IKZF2: variants seen among roughly 807,000 people sequenced by gnomAD.
IKZF2 encodes IKAROS family zinc finger 2, also known as zinc finger protein Helios.
IKZF2 carries 15 observed loss-of-function variants against 49.2 expected under a neutral mutation model. The ratio of observed to expected loss-of-function variants is 0.30; its 90% CI spans 0.20 to 0.47. The LOEUF is 0.47. IKZF2 is among the 20% of genes least tolerant of loss of function. The pLI is 1.00. For synonymous variants in IKZF2, 227 were observed against 221.4 expected, an observed-to-expected ratio of 1.03 and a Z score of -0.23; for missense variants, 567 against 664.6, an observed-to-expected ratio of 0.85 and a Z score of 1.61.
chr2:213,129,265 T>C (rs2060386391), intron 4 of IKZF2, among the ~76,000 whole-genome samples: 1 of 149,636 alleles, frequency 6.7e-6, no homozygotes, highest in Non-Finnish European at 1.5e-5. Flanking sequence ...CTATTAAGTA[T>C]AATAAAGAAA....
At chr2:213,127,826 C>G (rs899263528) in intron 4 of IKZF2, among the ~76,000 whole-genome samples, 5 of 152,096 alleles carry the variant, frequency 3.3e-5, no homozygotes, top group Non-Finnish European at 5.9e-5. Context: ...ACCCAATTAA[C>G]TAACTTAAGA....
At chr2:213,026,938 G>C (rs1383397165) in intron 6 of IKZF2, among the ~76,000 whole-genome samples, 1 of 151,842 alleles carries the variant, frequency 6.6e-6, no homozygotes, top group East Asian at 1.9e-4. Flanking sequence ...TTACGTTAAT[G>C]ATTATTTTTC....
At chr2:213,109,238 A>G (rs1367482407) in intron 4 of IKZF2, among the ~76,000 whole-genome samples, 1 of 152,134 alleles carries the variant, frequency 6.6e-6, no homozygotes, top group Non-Finnish European at 1.5e-5. Context: ...ACATGCAAGC[A>G]GACACAAAAT....
At chr2:213,089,072 T>G (rs1046493411) in intron 4 of IKZF2, among the ~76,000 whole-genome samples, 19 of 152,192 alleles carry the variant, frequency 1.2e-4, no homozygotes, top group African/African-American at 4.6e-4. Flanking sequence ...TCATCTTGAT[T>G]TGAGATTCTA....
intron 4 of IKZF2, among the ~76,000 whole-genome samples, chr2:213,091,430 A>G (rs1646209965): frequency 6.6e-6 from 1 of 152,206 alleles, no homozygotes; most frequent in African/African-American, 2.4e-5. Flanking sequence ...AACAGTATTG[A>G]TTAATGACAA....
In IKZF2 at chr2:213,007,370, G is replaced by A; in HGVS notation, c.1571C>T (p.Thr524Ile). The A allele has an allele frequency of 6.2e-7, 1 of 1,613,024 alleles. No individual in the cohort carries two copies. Among genetic ancestry groups the A allele is most frequent in the Non-Finnish European group, 8.5e-7 (1 of 1,179,456 alleles). ...TTGGAATGAAAAGGCCTAGTGGAAT[G>A]TGTGCTCCCCTCGAACAATGTGTGA... ...FSSHIVRGEH[T>I]FH The change falls in exon 9 of 9, where the codon ACA (threonine) becomes ATA (isoleucine). Residue 524 changes from threonine to isoleucine, a missense_variant. By Grantham distance (89) the Thr-to-Ile change is moderately conservative (BLOSUM62 -1). Transcript: ENST00000434687.
At chr2:213,076,673 T>A (rs1234353287) in intron 4 of IKZF2, among the ~76,000 whole-genome samples, 1 of 152,234 alleles carries the variant, frequency 6.6e-6, no homozygotes, top group Non-Finnish European at 1.5e-5. Context: ...GGAATATTTA[T>A]CTTCAATTGT....
At chr2:213,079,372 G>GA in intron 4 of IKZF2, among the ~76,000 whole-genome samples, 1 of 137,690 alleles carries the variant, frequency 7.3e-6, no homozygotes. Context: ...CAATAGAAAA[G>GA]AAAAAAGAAG....
chr2:213,000,168 T>C lies in IKZF2; in HGVS notation c.*7192A>G, dbSNP rs1455579766. 1.6e-5 allele frequency: 2 copies of C among 123,716 alleles called. No individual in the cohort carries two copies. Among genetic ancestry groups the C allele is most frequent in the African/African-American group, 5.5e-5 (2 of 36,524 alleles). 7.7% of individuals were successfully genotyped at this position (123,716 alleles called of 1,614,324 possible). ...CCATAGTAAACCTCATTTTCTGAGGTATGGTATTTGAGCCTTAAAAAAACT... is the reference window on the plus strand; with the variant it reads ...CCATAGTAAACCTCATTTTCTGAGGCATGGTATTTGAGCCTTAAAAAAACT... On this transcript the variant is annotated 3_prime_UTR_variant, in exon 9 of 9. Coordinates refer to ENST00000434687, the MANE Select transcript of IKZF2 (RefSeq NM_001387220.1).
chr2:213,094,038 T>G (rs2125661444), intron 4 of IKZF2, among the ~76,000 whole-genome samples: 1 of 152,238 alleles, frequency 6.6e-6, no homozygotes, highest in East Asian at 1.9e-4. Flanking sequence ...ACTCCAGAGA[T>G]GTGAACATGT....
At chr2:213,076,419 G>A (rs1703268996) in intron 4 of IKZF2, among the ~76,000 whole-genome samples, 1 of 152,112 alleles carries the variant, frequency 6.6e-6, no homozygotes, top group East Asian at 1.9e-4. Context: ...AGTAGGCATA[G>A]AATCCCAACA....
intron 5 of IKZF2, among the ~76,000 whole-genome samples, chr2:213,053,153 A>C (rs1700833026): frequency 6.6e-6 from 1 of 152,150 alleles, no homozygotes; most frequent in South Asian, 2.1e-4. Context: ...GAAAACATTA[A>C]GTAGTTTGTT....
intron 4 of IKZF2, among the ~76,000 whole-genome samples, chr2:213,087,835 C>A (rs61605446): frequency 0.084 from 12,753 of 152,180 alleles, 938 homozygotes; most frequent in African/African-American, 0.2. Context: ...ATGAACTCAT[C>A]CTTTTTCGTG....
intron 4 of IKZF2, among the ~76,000 whole-genome samples, chr2:213,126,030 A>C (rs1220631314): frequency 6.6e-6 from 1 of 152,130 alleles, no homozygotes; most frequent in Non-Finnish European, 1.5e-5. Context: ...TTTACTTTTC[A>C]TGTTATATCT....
At chr2:213,136,370 C>CAAAAAAAAAAAAAA (rs11325415) in intron 4 of IKZF2, among the ~76,000 whole-genome samples, 1 of 53,606 alleles carries the variant, frequency 1.9e-5, no homozygotes, top group Non-Finnish European at 3.4e-5. Flanking sequence ...GACACTGTCT[C>CAAAAAAAAAAAAAA]AAAAAAAAAA....
intron 6 of IKZF2, among the ~76,000 whole-genome samples, chr2:213,037,118 T>C (rs1313751527): frequency 6.6e-6 from 1 of 152,196 alleles, no homozygotes; most frequent in East Asian, 1.9e-4. Flanking sequence ...CTGTCCACAC[T>C]AAATCCATGC....
intron 4 of IKZF2, among the ~76,000 whole-genome samples, chr2:213,104,138 G>T (rs1292691648): frequency 6.6e-6 from 1 of 151,900 alleles, no homozygotes; most frequent in East Asian, 1.9e-4. Flanking sequence ...CACATTAATA[G>T]TACAGTTAAA....
At chr2:213,075,501 T>C (rs1703155892) in intron 4 of IKZF2, among the ~76,000 whole-genome samples, 2 of 152,162 alleles carry the variant, frequency 1.3e-5, no homozygotes, top group Admixed American at 6.5e-5. Context: ...GTTGTCATAA[T>C]GTCATTAGTA....
At position 213,094,015 on chromosome 2, in the gene IKZF2, T is replaced by C. The variant is rs1705663132; in HGVS notation, c.140-36916A>G. On this transcript the variant is annotated intron_variant, in intron 4 of 8. Transcript: ENST00000434687. ...TTAGAGGAAATGTTTGATTTGAAAC[T>C]GCACAAGAGAGAACTCCAGAGATGT... 2.0e-5 allele frequency among the ~76,000 whole-genome samples: 3 copies of C among 152,262 alleles called. No homozygotes were observed. In the South Asian group the frequency reaches 6.2e-4, roughly 32 times the overall value.
Sources: gnomAD v4.1 joint callset for allele counts (sites outside exome capture counted in the v4.1 genomes callset) on GRCh38, gnomAD v4.1.1 for gene constraint, MANE v1.5 for transcripts, NCBI Gene and HGNC (gene_info 2026-07-23, HGNC 2026-07-21) for gene names.